GRID1: variants seen among roughly 807,000 people sequenced by gnomAD.
GRID1 encodes glutamate receptor ionotropic, delta-1.
In GRID1, 28 loss-of-function variants were observed where a neutral mutation model predicts 98.0. That is an observed-to-expected ratio of 0.29 (90% CI 0.21 to 0.39). The LOEUF is 0.39. Ranked by LOEUF, GRID1 falls within the 10% of genes least tolerant of loss-of-function variation. The probability of loss-of-function intolerance (pLI) is 1.00; values close to 1 mark genes in which losing one functional copy is unlikely to be tolerated. For missense variants in GRID1, 1,111 were observed against 1,340.5 expected (o/e 0.83, Z 2.67); for synonymous variants, 553 against 538.5 (o/e 1.03, Z -0.37).
chr10:85,981,566 G>A (rs4934142), intron 4 of GRID1, among the ~76,000 whole-genome samples: 51,068 of 151,978 alleles, frequency 0.34, 9,419 homozygotes, highest in South Asian at 0.5. Flanking sequence ...TTCTTGCCCC[G>A]GGCTCTCTGG....
At chr10:86,268,215 CA>C (rs1847133829) in intron 2 of GRID1, among the ~76,000 whole-genome samples, 1 of 152,158 alleles carries the variant, frequency 6.6e-6, no homozygotes, top group African/African-American at 2.4e-5. Flanking sequence ...GTATGCTCCC[CA>C]ACTCCTCAGA....
chr10:85,747,250 T>G (rs1057465355), intron 8 of GRID1, among the ~76,000 whole-genome samples: 42 of 152,074 alleles, frequency 2.8e-4, no homozygotes, highest in African/African-American at 9.9e-4. Flanking sequence ...TAGCAGTGAC[T>G]GTATAGGCAT....
chr10:86,118,372 T>C (rs955740035), intron 4 of GRID1, among the ~76,000 whole-genome samples: 1 of 152,080 alleles, frequency 6.6e-6, no homozygotes, highest in Non-Finnish European at 1.5e-5. Context: ...GACTATACAC[T>C]GGGTACAATG....
At position 85,832,270 on chromosome 10, in the gene GRID1, A is replaced by T. The variant is rs576699609; in HGVS notation, c.1233+22226T>A. On this transcript the variant is annotated intron_variant, in intron 8 of 15. Transcript: ENST00000327946. ...GCAGCAACTTCATACAAACTCGTTC[A>T]GAAATAGAGAAAAATACACACTTTT... Among the ~76,000 whole-genome samples the T allele has an allele frequency of 1.1e-4, 17 of 152,300 alleles. 1 individual carries two copies. The highest frequency in any genetic ancestry group is 3.8e-4 in the African/African-American group (16 of 41,580).
At chr10:86,149,325 AACC>A (rs1213180285) in intron 3 of GRID1, among the ~76,000 whole-genome samples, 1 of 152,254 alleles carries the variant, frequency 6.6e-6, no homozygotes, top group East Asian at 1.9e-4. Context: ...CAGGTTTCAG[AACC>A]AGCCACAGAA....
At chr10:86,105,045 A>C (rs11593396) in intron 4 of GRID1, among the ~76,000 whole-genome samples, 9,161 of 152,292 alleles carry the variant, frequency 0.06, 395 homozygotes, top group South Asian at 0.21. Flanking sequence ...TTACATAGTC[A>C]CATAATTACA....
intron 4 of GRID1, among the ~76,000 whole-genome samples, chr10:86,032,537 G>C (rs1401377113): frequency 2.6e-5 from 4 of 152,100 alleles, no homozygotes; most frequent in Admixed American, 2.6e-4. Flanking sequence ...CCAACCCCTT[G>C]CTCTCTGAAA....
chr10:85,967,360 G>GAAAA (rs1383182315), intron 4 of GRID1, among the ~76,000 whole-genome samples: 3 of 152,070 alleles, frequency 2.0e-5, no homozygotes, highest in African/African-American at 7.2e-5. Context: ...AAGAAAGAAA[G>GAAAA]AGAGAAAAGC....
At chr10:86,306,779 A>C (rs1991426) in intron 2 of GRID1, among the ~76,000 whole-genome samples, 140,213 of 152,272 alleles carry the variant, frequency 0.92, 64,697 homozygotes, top group East Asian at 1. Context: ...GTCCTAAGGT[A>C]CCCTAACAGC....
chr10:86,145,547 T>TACACACACACACACATACACACACACAC (rs920900306), intron 3 of GRID1, among the ~76,000 whole-genome samples: 4 of 145,706 alleles, frequency 2.7e-5, no homozygotes, highest in East Asian at 4.0e-4. Context: ...ATCCTCCACA[T>TACACACACACACACATACACACACACAC]ACACACACAC....
At chr10:85,674,526 T>C (rs1034191774) in intron 12 of GRID1, among the ~76,000 whole-genome samples, 3 of 152,192 alleles carry the variant, frequency 2.0e-5, no homozygotes, top group African/African-American at 7.2e-5. Flanking sequence ...ATTACATTGA[T>C]TGATCAAGAT....
intron 3 of GRID1, among the ~76,000 whole-genome samples, chr10:86,155,405 C>G (rs140393906): frequency 1.1e-4 from 16 of 152,342 alleles, no homozygotes; most frequent in African/African-American, 2.9e-4. Context: ...GCAAGAGCAA[C>G]TGAAAGGGCA....
chr10:85,636,181 C>A (rs569663485), intron 13 of GRID1, among the ~76,000 whole-genome samples: 39 of 152,236 alleles, frequency 2.6e-4, no homozygotes, highest in Admixed American at 5.9e-4. Context: ...GAAAGGAAGA[C>A]CCCGGGTAAA....
intron 8 of GRID1, among the ~76,000 whole-genome samples, chr10:85,828,323 C>T (rs188038577): frequency 3.0e-4 from 46 of 151,986 alleles, no homozygotes; most frequent in Admixed American, 3.0e-3. Flanking sequence ...GTGCTGAATC[C>T]CACATCAAAA....
At chr10:86,072,834 G>A (rs2131922616) in intron 4 of GRID1, among the ~76,000 whole-genome samples, 1 of 152,366 alleles carries the variant, frequency 6.6e-6, no homozygotes, top group East Asian at 1.9e-4. Context: ...CACTGCTGCA[G>A]TCTAGGAAAG....
intron 4 of GRID1, among the ~76,000 whole-genome samples, chr10:86,008,575 C>G (rs1057166716): frequency 1.8e-4 from 28 of 152,076 alleles, no homozygotes; most frequent in African/African-American, 6.5e-4. Flanking sequence ...TTCTACCCAA[C>G]AGAAAAATGA....
At chr10:85,878,412 A>G (rs1457342555) in intron 5 of GRID1, among the ~76,000 whole-genome samples, 1 of 152,248 alleles carries the variant, frequency 6.6e-6, no homozygotes, top group Non-Finnish European at 1.5e-5. Context: ...TCAGACTAAC[A>G]GCAGATCTCT....
chr10:85,729,487 C>T, intron 9 of GRID1, 26 bp downstream of exon 9: 1 of 1,384,792 alleles, frequency 7.2e-7, no homozygotes, highest in East Asian at 2.3e-5. Flanking sequence ...GTGTAGCTCG[C>T]TCCCAGAATG....
At chr10:86,347,277 T>G (rs1589457343) in intron 2 of GRID1, among the ~76,000 whole-genome samples, 1 of 152,270 alleles carries the variant, frequency 6.6e-6, no homozygotes, top group East Asian at 1.9e-4. Context: ...CAAGTGCCTG[T>G]GGCAGAGAAG....
Sources: allele counts gnomAD v4.1 joint callset (sites outside exome capture counted in the v4.1 genomes callset), GRCh38; gene constraint gnomAD v4.1.1; transcripts MANE v1.5; gene names NCBI Gene and HGNC (gene_info 2026-07-23, HGNC 2026-07-21).